HDAC6: variants seen among roughly 807,000 people sequenced by gnomAD.
HDAC6 encodes the protein protein deacetylase HDAC6.
Under a neutral mutation model 88.9 loss-of-function variants are expected in HDAC6, and 5 were observed. The observed-to-expected ratio is 0.06, with a 90% CI of 0.03 to 0.12. The LOEUF is 0.12. Ranked by LOEUF, HDAC6 falls within the 10% of genes least tolerant of loss-of-function variation. The pLI, the probability that HDAC6 is intolerant of heterozygous loss-of-function variation, is 1.00. For synonymous variants in HDAC6, 378 were observed against 398.0 expected (o/e 0.95, Z 0.60); for missense variants, 706 against 1,014.4 (o/e 0.70, Z 4.13).
In HDAC6 at chrX:48,814,407, C is replaced by T. The variant is rs782473082; in HGVS notation, c.807-33C>T. 9 of 1,203,766 alleles carry T rather than the reference C, an allele frequency of 7.5e-6. No individual in the cohort carries two copies. In the Admixed American group the frequency reaches 2.0e-4, roughly 26 times the overall value. On this transcript the variant is annotated intron_variant, in intron 10 of 28. Coordinates refer to ENST00000334136, the MANE Select transcript of HDAC6 (RefSeq NM_006044.4). ...GGGTGTCTATGGGGATTGACTTCTC[C>T]AACTCTCTTACCTCTTTTTCTTCTG...
In HDAC6 at chrX:48,824,781, T is replaced by C; in HGVS notation, c.*169T>C. The C allele has an allele frequency of 9.1e-7, 1 of 1,102,284 alleles. No homozygotes were observed. The highest frequency in any genetic ancestry group is 2.2e-5 in the South Asian group (1 of 44,530). The allele number at this position is 1,102,284 out of a possible 1,213,427, so 90.8% of individuals were successfully genotyped here. ...TAAGTGTTAATACTTTTAAGAGAAC[T>C]GCGACGATTAATTGTGGATCTCCCC... On this transcript the variant is annotated 3_prime_UTR_variant, in exon 29 of 29. Transcript: ENST00000334136.
intron 10 of HDAC6, among the ~76,000 whole-genome samples, chrX:48,809,837 C>T (rs2062873169): frequency 9.1e-6 from 1 of 109,874 alleles, no homozygotes; most frequent in South Asian, 3.8e-4. Flanking sequence ...TACAGCATTT[C>T]AGATTTCAGA....
chrX:48,821,755 G>A (rs1176843824), intron 23 of HDAC6, among the ~76,000 whole-genome samples: 1 of 111,217 alleles, frequency 9.0e-6, no homozygotes, highest in Non-Finnish European at 1.9e-5. Flanking sequence ...TAACCTTCCC[G>A]CCTCGGCCTC....
rs1255678536 is a variant in HDAC6, at chrX:48,805,486, C to T, written c.360C>T (p.Ile120=). 4 of 1,208,418 alleles carry T rather than the reference C, an allele frequency of 3.3e-6. No homozygotes were observed. The highest frequency in any genetic ancestry group is 4.5e-6 in the Non-Finnish European group (4 of 894,108). The change falls in exon 5 of 29, where the codon ATC becomes ATT. Residue 120 remains isoleucine (I), a synonymous_variant. Coordinates refer to ENST00000334136, the MANE Select transcript of HDAC6 (RefSeq NM_006044.4). ...TCCATGCCATCAAGGAGCAACTGAT[C>T]CAGGAGGGCCTCCTAGATCGCTGCG... ...ERLHAIKEQL[I]QEGLLDRCVS...
In HDAC6 at chrX:48,818,275, G is replaced by A. The variant is rs781916251; in HGVS notation, c.2050G>A (p.Asp684Asn). 2 of 1,199,669 alleles carry A rather than the reference G, an allele frequency of 1.7e-6. No homozygotes were observed. The highest frequency in any genetic ancestry group is 2.3e-4 in the Middle Eastern group (1 of 4,359). ...TCATGGCACCTTCTTCCCCATGGGG[G>A]ATGAGGGTGCCAGCAGCCAGATCGG... The part of the protein sequence containing the change: ...YDHGTFFPMG[D>N]EGASSQIGRA... Residue 684 changes from aspartate to asparagine, a missense_variant, in exon 22 of 29, where the codon GAT (aspartate) becomes AAT (asparagine). Physicochemically the swap from Asp to Asn is conservative, Grantham distance 23. Transcript: ENST00000334136.
chrX:48,823,668 C>A lies in HDAC6; in HGVS notation c.3190-4C>A. On this transcript the variant is annotated splice_region_variant and splice_polypyrimidine_tract_variant and intron_variant, in intron 25 of 28. Coordinates refer to ENST00000334136, the MANE Select transcript of HDAC6 (RefSeq NM_006044.4). Reference sequence around the variant, plus strand: ...TGATACATCTCTTACTTCTGCGTGTCCAGGGGGCCTCAGAATCTCAGGCCC... The same window carrying A: ...TGATACATCTCTTACTTCTGCGTGTACAGGGGGCCTCAGAATCTCAGGCCC... The A allele has an allele frequency of 8.3e-7, 1 of 1,202,122 alleles. No homozygotes were observed. Among genetic ancestry groups the A allele is most frequent in the Non-Finnish European group, 1.1e-6 (1 of 888,431 alleles).
Position 48,808,090 on chromosome X carries a change from C to T in HDAC6, c.690C>T (p.His230=), listed in dbSNP as rs2062845832. Reference sequence around the variant, plus strand: ...TGGATGGCTATTGCATGTTCAACCACGTGGCTGTGGCAGCCCGCTATGCTC... The same window carrying T: ...TGGATGGCTATTGCATGTTCAACCATGTGGCTGTGGCAGCCCGCTATGCTC... ...SLMDGYCMFN[H]VAVAARYAQQ... is the part of the protein sequence containing the mutation. The change falls in exon 9 of 29, where the codon CAC becomes CAT. Residue 230 remains histidine, a synonymous_variant. Transcript: ENST00000334136. 3 of 1,208,118 alleles carry T rather than the reference C, an allele frequency of 2.5e-6. No homozygotes were observed. Among genetic ancestry groups the T allele is most frequent in the East Asian group, 3.0e-5 (1 of 33,723 alleles).
intron 2 of HDAC6, 26 bp from the exon 3 acceptor site, chrX:48,802,845 C>G: frequency 8.3e-7 from 1 of 1,208,156 alleles, no homozygotes; most frequent in South Asian, 1.8e-5. Flanking sequence ...ATGCCCTGGA[C>G]TCTGACCCTT....
intron 10 of HDAC6, chrX:48,810,964 T>C (rs1229156628): frequency 1.8e-5 from 2 of 111,767 alleles, no homozygotes; most frequent in Admixed American, 9.6e-5. Context: ...TCTTCCTCTC[T>C]GTTTCTATGT....
rs1349085269 is a variant in HDAC6 at position 48,818,252 on chromosome X, A to G, written c.2027A>G (p.His676Arg). The G allele has an allele frequency of 5.0e-6, 6 of 1,193,162 alleles. No individual in the cohort carries two copies. The African/African-American group carries it at 1.1e-4, about 21-fold the overall frequency. The change falls in exon 22 of 29, where the codon CAT (histidine) becomes CGT (arginine). Residue 676 changes from histidine to arginine, a missense_variant. Physicochemically the swap from His to Arg is conservative, Grantham distance 29. This residue lies in a region of HDAC6 where 138 missense variants were observed against 303.5 expected (regional missense o/e 0.45). Transcript: ENST00000334136. Reference sequence around the variant, plus strand: ...TATGTGTCCCTGCACCGCTATGATCATGGCACCTTCTTCCCCATGGGGGAT... The same window carrying G: ...TATGTGTCCCTGCACCGCTATGATCGTGGCACCTTCTTCCCCATGGGGGAT... ...VLYVSLHRYD[H>R]GTFFPMGDEG...
chrX:48,816,795 G>A (rs1346254019), intron 19 of HDAC6, 162 bp downstream of exon 19: 1 of 468,323 alleles, frequency 2.1e-6, no homozygotes, highest in African/African-American at 2.4e-5. Flanking sequence ...GGGAATAATG[G>A]AAGGAACTGG....
At chrX:48,804,377 C>T (rs1257395752) in intron 4 of HDAC6, among the ~76,000 whole-genome samples, 26 of 111,415 alleles carry the variant, frequency 2.3e-4, no homozygotes, top group African/African-American at 8.5e-4. Context: ...CCCTGACCAA[C>T]CCCTTTCCCA....
At position 48,802,094 on chromosome X, in the gene HDAC6, G is replaced by A. The variant is rs2062734807; in HGVS notation, c.-79G>A. ...TTGAAGGAACGGGGCAGTCCCCTGA[G>A]GAGCGGGGCTGGTTGAAACGCTAGG... On this transcript the variant is annotated 5_prime_UTR_variant, in exon 1 of 29. Coordinates refer to ENST00000334136, the MANE Select transcript of HDAC6 (RefSeq NM_006044.4). The A allele has an allele frequency of 1.1e-6, 1 of 892,001 alleles. No homozygotes were observed. Among genetic ancestry groups the A allele is most frequent in the African/African-American group, 2.1e-5 (1 of 46,951 alleles). The allele number at this position is 892,001 out of a possible 1,213,427, so 73.5% of individuals were successfully genotyped here. A position where few individuals can be genotyped will look rare whatever the true frequency, so the allele number is the denominator to read the frequency against.
intron 19 of HDAC6, chrX:48,817,116 G>A: frequency 3.0e-6 from 1 of 334,725 alleles, no homozygotes; most frequent in Non-Finnish European, 5.1e-6. Context: ...GCCGGGCGTG[G>A]CAGCAAGCGC....
chrX:48,824,369 G>A, intron 28 of HDAC6, 75 bp downstream of exon 28: 1 of 1,146,581 alleles, frequency 8.7e-7, no homozygotes, highest in Non-Finnish European at 1.2e-6. Flanking sequence ...ATTGGGTAAA[G>A]GGAGACCACA....
At position 48,806,628 on chromosome X, in the gene HDAC6, G is replaced by A; in HGVS notation, c.554G>A (p.Cys185Tyr). 1 of 1,208,403 alleles carries A rather than the reference G, an allele frequency of 8.3e-7. No homozygotes were observed. Among genetic ancestry groups the A allele is most frequent in the East Asian group, 3.0e-5 (1 of 33,819 alleles). ...YLHPNSYSCA[C>Y]LASGSVLRLV... The stretch of plus-strand genomic sequence containing the variant: ...CTCCAGAACTCATACTCCTGTGCCT[G>A]CCTGGCCTCAGGCTCTGTCCTCAGG... The change falls in exon 8 of 29, where the codon TGC becomes TAC. Residue 185 changes from cysteine to tyrosine, a missense_variant. Cys to Tyr is a radical substitution (Grantham distance 194). This residue lies in a region of HDAC6 where 193 missense variants were observed against 258.2 expected (regional missense o/e 0.75). Coordinates refer to ENST00000334136, the MANE Select transcript of HDAC6 (RefSeq NM_006044.4).
At chrX:48,818,681 C>T (rs1362406233) in intron 22 of HDAC6, among the ~76,000 whole-genome samples, 7 of 112,362 alleles carry the variant, frequency 6.2e-5, no homozygotes, top group African/African-American at 1.3e-4. Flanking sequence ...TGACTATGCA[C>T]CAATGGCCCG....
Position 48,802,953 on chromosome X carries a change from T to C in HDAC6, c.176T>C (p.Leu59Pro), listed in dbSNP as rs376875887. 2.6e-4 allele frequency: 318 copies of C among 1,208,701 alleles called. No individual in the cohort carries two copies. The highest frequency in any genetic ancestry group is 3.4e-4 in the Non-Finnish European group (305 of 894,497). The change falls in exon 3 of 29, where the codon CTC (leucine) becomes CCC (proline). Residue 59 changes from leucine to proline, a missense_variant. By Grantham distance (98) the Leu-to-Pro change is moderately conservative. Coordinates refer to ENST00000334136, the MANE Select transcript of HDAC6 (RefSeq NM_006044.4). ...AAGAAGAAAGGCAAAATGAAGAAGC[T>C]CGGCCAAGCAATGGAAGAAGACCTA... ...EVKKKGKMKK[L>P]GQAMEEDLIV...
chrX:48,802,286 T>C (rs2062738219), intron 1 of HDAC6, 144 bp downstream of exon 1: 5 of 880,626 alleles, frequency 5.7e-6, no homozygotes, highest in Non-Finnish European at 7.0e-6. Flanking sequence ...CGTGAAGGAA[T>C]GGGGTCTGGG....
Sources: allele counts gnomAD v4.1 joint callset (sites outside exome capture counted in the v4.1 genomes callset), GRCh38; gene constraint gnomAD v4.1.1; regional missense constraint gnomAD v4.1.1; transcripts MANE v1.5; gene names NCBI Gene and HGNC (gene_info 2026-07-23, HGNC 2026-07-21).